PLXNA4: variants seen among roughly 807,000 people sequenced by gnomAD.
PLXNA4 encodes plexin-A4.
Under a neutral mutation model 191.8 loss-of-function variants are expected in PLXNA4, and 44 were observed. The observed-to-expected ratio is 0.23, with a 90% CI of 0.18 to 0.29. The LOEUF (loss-of-function observed/expected upper bound fraction) is 0.29, where lower values mean the gene tolerates loss of function less well. Ranked by LOEUF, PLXNA4 falls within the 10% of genes least tolerant of loss-of-function variation. The pLI, the probability that PLXNA4 is intolerant of heterozygous loss-of-function variation, is 1.00. For synonymous variants in PLXNA4, 1,082 were observed against 1,009.5 expected (o/e 1.07, Z -1.36); for missense variants, 1,800 against 2,488.8 (o/e 0.72, Z 5.89).
chr7:132,414,313 G>C (rs1794576018), intron 3 of PLXNA4, among the ~76,000 whole-genome samples: 1 of 152,210 alleles, frequency 6.6e-6, no homozygotes, highest in Admixed American at 6.5e-5. Context: ...CCACCAGTGA[G>C]TAATGGTTTG....
chr7:132,438,681 G>T (rs1291786013), intron 3 of PLXNA4, among the ~76,000 whole-genome samples: 1 of 152,154 alleles, frequency 6.6e-6, no homozygotes, highest in Non-Finnish European at 1.5e-5. Flanking sequence ...AATTAGGCTG[G>T]CTTAGCCTAA....
intron 1 of PLXNA4, among the ~76,000 whole-genome samples, chr7:132,548,768 AGT>A (rs1229534118): frequency 6.6e-6 from 1 of 152,194 alleles, no homozygotes; most frequent in East Asian, 1.9e-4. Context: ...AGGCATTCTT[AGT>A]CACAGGATGA....
Position 132,147,988 on chromosome 7 carries a change from A to G in PLXNA4, c.4776T>C (p.Gly1592=), listed in dbSNP as rs551122340. The G allele has an allele frequency of 3.6e-5, 58 of 1,614,086 alleles. No individual in the cohort carries two copies. The South Asian group carries it at 5.9e-4, about 17-fold the overall frequency. Residue 1592 remains glycine, a synonymous_variant, in exon 27 of 32, where the codon GGT becomes GGC. Coordinates refer to ENST00000321063, the MANE Select transcript of PLXNA4 (RefSeq NM_020911.2). The part of the protein sequence containing the change: ...NTLAHYQVPD[G]SVVALVSKQV... ...GCTTGGACACTAATGCCACCACGGA[A>G]CCATCTGGCACCTACAGGGAAAAAG...
intron 3 of PLXNA4, among the ~76,000 whole-genome samples, chr7:132,386,527 C>T (rs1016234435): frequency 2.0e-5 from 3 of 152,116 alleles, no homozygotes; most frequent in Non-Finnish European, 2.9e-5. Flanking sequence ...GTACTACATT[C>T]GAGTAAAATC....
chr7:132,341,651 C>T (rs1158590006), intron 3 of PLXNA4, among the ~76,000 whole-genome samples: 1 of 152,130 alleles, frequency 6.6e-6, no homozygotes, highest in Non-Finnish European at 1.5e-5. Flanking sequence ...AGCTATTTGG[C>T]CCCAGCCCCC....
At chr7:132,241,776 G>A (rs928004016) in intron 4 of PLXNA4, among the ~76,000 whole-genome samples, 2 of 152,126 alleles carry the variant, frequency 1.3e-5, no homozygotes, top group Non-Finnish European at 2.9e-5. Context: ...GGCTCTAAAA[G>A]CTTTCACTAT....
intron 1 of PLXNA4, among the ~76,000 whole-genome samples, chr7:132,553,887 G>A (rs564040516): frequency 1.3e-5 from 2 of 152,234 alleles, no homozygotes; most frequent in African/African-American, 2.4e-5. Context: ...CTCTTCCTGA[G>A]CAAAGAGATA....
intron 3 of PLXNA4, among the ~76,000 whole-genome samples, chr7:132,387,975 G>A (rs945983575): frequency 5.9e-5 from 9 of 151,964 alleles, no homozygotes; most frequent in East Asian, 1.9e-4. Flanking sequence ...CCTCCCTCCC[G>A]CGGCATGTCT....
At chr7:132,533,308 A>G (rs1863558) in intron 1 of PLXNA4, among the ~76,000 whole-genome samples, 142,592 of 152,182 alleles carry the variant, frequency 0.94, 67,087 homozygotes, top group Non-Finnish European at 0.97. Context: ...CTGCCCTTGC[A>G]GTGCTCTGAG....
At chr7:132,425,581 G>C (rs185861930) in intron 3 of PLXNA4, among the ~76,000 whole-genome samples, 2 of 152,104 alleles carry the variant, frequency 1.3e-5, no homozygotes, top group Non-Finnish European at 2.9e-5. Context: ...CCCAGTCAGG[G>C]GTACCTGCCT....
At chr7:132,462,021 TATAAC>T (rs926844438) in intron 3 of PLXNA4, among the ~76,000 whole-genome samples, 1 of 152,208 alleles carries the variant, frequency 6.6e-6, no homozygotes, top group African/African-American at 2.4e-5. Context: ...TAATTTCAAT[TATAAC>T]ATAGTAGAAA....
At chr7:132,574,191 G>A (rs1199354436) in intron 1 of PLXNA4, among the ~76,000 whole-genome samples, 2 of 152,214 alleles carry the variant, frequency 1.3e-5, no homozygotes, top group South Asian at 2.1e-4. Flanking sequence ...TCCTGAGGCT[G>A]CGAATACATG....
Position 132,425,820 on chromosome 7 carries a change from G to A in PLXNA4, c.1371+63472C>T, listed in dbSNP as rs73726053. On this transcript the variant is annotated intron_variant, in intron 3 of 31. Transcript: ENST00000321063. ...TTCCTATTAAACTCTCCATCGAGGT[G>A]GGGGCGGGAGCTGGGGGCTCTGGCC... 5.3e-3 allele frequency among the ~76,000 whole-genome samples: 810 copies of A among 152,334 alleles called. 15 individuals are homozygous for A. Among genetic ancestry groups the A allele is most frequent in the African/African-American group, 0.019 (773 of 41,582 alleles).
intron 3 of PLXNA4, among the ~76,000 whole-genome samples, chr7:132,343,105 G>T (rs1439742249): frequency 6.6e-6 from 1 of 151,078 alleles, no homozygotes; most frequent in Non-Finnish European, 1.5e-5. Flanking sequence ...CAACAGTTAA[G>T]ATTTTTTTTT....
chr7:132,180,424 G>A (rs1260465246), intron 19 of PLXNA4, among the ~76,000 whole-genome samples, 162 bp downstream of exon 19: 2 of 152,218 alleles, frequency 1.3e-5, no homozygotes, highest in Non-Finnish European at 2.9e-5. Context: ...ACAGAAGAGA[G>A]AAGCTCAAAA....
chr7:132,383,182 C>A (rs1804969256), intron 3 of PLXNA4, among the ~76,000 whole-genome samples: 1 of 152,026 alleles, frequency 6.6e-6, no homozygotes, highest in Non-Finnish European at 1.5e-5. Flanking sequence ...GTGAGATGGC[C>A]AAGCCACCAA....
At chr7:132,146,740 A>G in intron 27 of PLXNA4, 40 bp from the exon 28 acceptor site, 1 of 1,609,202 alleles carries the variant, frequency 6.2e-7, no homozygotes, top group Non-Finnish European at 8.5e-7. Context: ...ATGTGAGGCC[A>G]CACAGCCTTA....
intron 15 of PLXNA4, among the ~76,000 whole-genome samples, chr7:132,186,196 T>C (rs1796873309): frequency 6.6e-6 from 1 of 152,124 alleles, no homozygotes; most frequent in Non-Finnish European, 1.5e-5. Flanking sequence ...CCTGCCTTGC[T>C]CCTACCCCCT....
At chr7:132,240,199 A>G (rs1175502432) in intron 5 of PLXNA4, among the ~76,000 whole-genome samples, 1 of 152,228 alleles carries the variant, frequency 6.6e-6, no homozygotes, top group Non-Finnish European at 1.5e-5. Flanking sequence ...GTTGGCCAGA[A>G]ACAACAATAG....
Sources: gnomAD v4.1 joint callset for allele counts (sites outside exome capture counted in the v4.1 genomes callset) on GRCh38, gnomAD v4.1.1 for gene constraint, MANE v1.5 for transcripts, NCBI Gene and HGNC (gene_info 2026-07-23, HGNC 2026-07-21) for gene names.